Variants in TEX9 observed in about 807,000 individuals in gnomAD.
The protein encoded by TEX9 is testis expressed 9.
A neutral mutation model predicts 59.6 loss-of-function variants in TEX9; 74 were observed. The observed-to-expected ratio is 1.24, with a 90% confidence interval of 1.03 to 1.51. The LOEUF is 1.51. Among genes scored for constraint, TEX9 ranks in the 40% most tolerant of loss-of-function variants. TEX9 has a pLI of 0.00. For synonymous variants in TEX9, 186 were observed against 152.2 expected, an observed-to-expected ratio of 1.22 and a Z score of -1.64; for missense variants, 522 against 447.8, an observed-to-expected ratio of 1.17 and a Z score of -1.49.
At chr15:56,455,265 A>AAAAAAC in the TEX9 span, among the ~76,000 whole-genome samples, 1 of 143,596 alleles carries the variant, frequency 7.0e-6, no homozygotes, top group Non-Finnish European at 1.5e-5. Context: ...AAAAAAAAAA[A>AAAAAAC]AAAAAACCAT....
downstream of TEX9, among the ~76,000 whole-genome samples, chr15:56,450,022 T>C (rs1317233638): frequency 6.6e-6 from 1 of 152,214 alleles, no homozygotes; most frequent in East Asian, 1.9e-4. Context: ...TTCTACTTTA[T>C]GTTTATATTC....
chr15:56,420,054 TAC>T (rs143281720), intron 10 of TEX9, among the ~76,000 whole-genome samples: 2,789 of 151,900 alleles, frequency 0.018, 135 homozygotes, highest in African/African-American at 0.063. Flanking sequence ...TTTACTGGCA[TAC>T]AGTTTTTTAC....
chr15:56,351,007 A>G (rs570886229), intron 1 of TEX9, among the ~76,000 whole-genome samples: 1 of 152,194 alleles, frequency 6.6e-6, no homozygotes, highest in South Asian at 2.1e-4. Context: ...TCACTGTTTC[A>G]AAGACCAGTG....
At position 56,373,645 on chromosome 15, in the gene TEX9, A is replaced by G. The variant is rs79166246; in HGVS notation, c.183+141A>G. On this transcript the variant is annotated intron_variant, in intron 3 of 12. Transcript: ENST00000352903. ...GAATTATTACAAATTGAACATGAAT[A>G]TATATGCATAGGTATAGGAATGTAT... The G allele has an allele frequency of 2.5e-3, 1,531 of 613,234 alleles. 44 individuals are homozygous for G. The East Asian group carries it at 0.05, about 20-fold the overall frequency. The allele number at this position is 613,234 out of a possible 1,614,324, so 38.0% of individuals were successfully genotyped here.
intron 3 of TEX9, among the ~76,000 whole-genome samples, chr15:56,376,943 A>G (rs2047483388): frequency 6.6e-6 from 1 of 152,220 alleles, no homozygotes; most frequent in African/African-American, 2.4e-5. Context: ...GGCAAGAGGT[A>G]GGGGTCTAGT....
chr15:56,436,813 T>A (rs1001710547), intron 12 of TEX9, among the ~76,000 whole-genome samples: 3 of 152,108 alleles, frequency 2.0e-5, no homozygotes, highest in South Asian at 4.1e-4. Flanking sequence ...CATCAGAGAA[T>A]ACTATAAACA....
chr15:56,285,078 A>T (rs373732030), intron 1 of TEX9, among the ~76,000 whole-genome samples: 1 of 152,032 alleles, frequency 6.6e-6, no homozygotes, highest in African/African-American at 2.4e-5. Flanking sequence ...AAACTCACCC[A>T]TATTCACTTT....
chr15:56,406,146 C>G (rs1469889596), intron 9 of TEX9, among the ~76,000 whole-genome samples: 1 of 152,112 alleles, frequency 6.6e-6, no homozygotes, highest in Non-Finnish European at 1.5e-5. Context: ...AGCCACTGAG[C>G]TATATTTTTT....
At chr15:56,259,483 G>A (rs1426216117) in intron 1 of TEX9, among the ~76,000 whole-genome samples, 1 of 151,806 alleles carries the variant, frequency 6.6e-6, no homozygotes, top group Non-Finnish European at 1.5e-5. Flanking sequence ...TTATTTAATT[G>A]CTCCAGCATC....
At chr15:56,365,385 C>A (rs1596119613), upstream of TEX9, 4 of 1,574,484 alleles carry the variant, frequency 2.5e-6, no homozygotes, top group South Asian at 1.2e-5. Context: ...GGGAGGCAAC[C>A]GGGATGTGGA....
At chr15:56,291,064 C>T (rs995373841) in intron 1 of TEX9, among the ~76,000 whole-genome samples, 2 of 152,122 alleles carry the variant, frequency 1.3e-5, no homozygotes, top group Non-Finnish European at 2.9e-5. Context: ...TGAATGTAAA[C>T]CAAGTCCCAA....
chr15:56,369,594 C>G (rs1194015784), intron 2 of TEX9, among the ~76,000 whole-genome samples: 1 of 152,078 alleles, frequency 6.6e-6, no homozygotes, highest in Non-Finnish European at 1.5e-5. Flanking sequence ...CTCGGCTTCC[C>G]AAAGTGCTGG....
At chr15:56,444,004 A>G (rs371023485) in intron 12 of TEX9, 7 of 652,588 alleles carry the variant, frequency 1.1e-5, no homozygotes, top group Admixed American at 6.8e-5. Flanking sequence ...TGTGCTAAAT[A>G]TAATGTCAGG....
intron 1 of TEX9, chr15:56,323,091 C>CCGTTCTTT (rs2045939448): frequency 5.0e-6 from 1 of 201,554 alleles, no homozygotes; most frequent in Non-Finnish European, 1.1e-5. Context: ...GACTCTGCCT[C>CCGTTCTTT]ATTGAGAAAA....
intron 1 of TEX9, among the ~76,000 whole-genome samples, chr15:56,316,430 C>T (rs1358457266): frequency 9.2e-5 from 1 of 10,860 alleles, no homozygotes; most frequent in Admixed American, 2.1e-3. Flanking sequence ...TCAGTGTGCC[C>T]CTGCTGGGGG....
chr15:56,429,039 A>G, intron 12 of TEX9: 1 of 1,074,792 alleles, frequency 9.3e-7, no homozygotes, highest in East Asian at 2.6e-5. Flanking sequence ...GTAAAACAAA[A>G]GTTATGCTGA....
the TEX9 span, among the ~76,000 whole-genome samples, chr15:56,454,950 T>C: frequency 6.6e-6 from 1 of 152,114 alleles, no homozygotes; most frequent in Non-Finnish European, 1.5e-5. Context: ...AGTGTACAGC[T>C]TGTAGAACGC....
intron 1 of TEX9, among the ~76,000 whole-genome samples, chr15:56,359,089 G>T (rs1405372637): frequency 6.6e-6 from 1 of 151,990 alleles, no homozygotes; most frequent in East Asian, 1.9e-4. Flanking sequence ...ATCTCTTTAA[G>T]CTCCTCTTGG....
In TEX9 at chr15:56,256,833, T is replaced by C. The variant is rs186790936; in HGVS notation, c.-107+12555T>C. ...GCGCAAGATATACACGTTTGTTACA[T>C]AGGTAAATGTGTGTCATGGGGGTTT... is the stretch of plus-strand genomic sequence containing the variant. On this transcript the variant is annotated intron_variant, in intron 1 of 5. Coordinates refer to the TEX9 transcript ENST00000560827. Among the ~76,000 whole-genome samples, 36 of 152,228 alleles carry C rather than the reference T, an allele frequency of 2.4e-4. No individual in the cohort carries two copies. The Middle Eastern group carries it at 0.02, about 86-fold the overall frequency.
Sources: allele counts gnomAD v4.1 joint callset (sites outside exome capture counted in the v4.1 genomes callset), GRCh38; gene constraint gnomAD v4.1.1; transcripts MANE v1.5; gene names NCBI Gene and HGNC (gene_info 2026-07-23, HGNC 2026-07-21).